The following KCNIP4 variants were observed in gnomAD, a reference collection of about 807,000 sequenced individuals.
KCNIP4 encodes potassium voltage-gated channel interacting protein 4, also known as Kv channel-interacting protein 4.
A neutral mutation model predicts 34.0 loss-of-function variants in KCNIP4; 12 were observed. The ratio of observed to expected loss-of-function variants is 0.35; its 90% CI spans 0.23 to 0.57. KCNIP4 has a LOEUF of 0.57. KCNIP4 is among the 20% of genes least tolerant of loss of function. The pLI, the probability that KCNIP4 is intolerant of heterozygous loss-of-function variation, is 0.83. For missense variants in KCNIP4, 238 were observed against 311.7 expected, an observed-to-expected ratio of 0.76 and a Z score of 1.78; for synonymous variants, 124 against 102.2, an observed-to-expected ratio of 1.21 and a Z score of -1.29.
intron 1 of KCNIP4, among the ~76,000 whole-genome samples, chr4:21,514,707 T>C (rs1027468159): frequency 2.6e-5 from 4 of 152,120 alleles, no homozygotes; most frequent in African/African-American, 9.7e-5. Flanking sequence ...AGGAAGCAAC[T>C]GTTAAATTAA....
chr4:20,823,174 T>C (rs976642519), intron 3 of KCNIP4, among the ~76,000 whole-genome samples: 3 of 152,138 alleles, frequency 2.0e-5, no homozygotes, highest in East Asian at 1.9e-4. Flanking sequence ...TATTTTGTTA[T>C]AGCATCAGGA....
intron 1 of KCNIP4, among the ~76,000 whole-genome samples, chr4:21,061,117 C>T (rs1028938467): frequency 3.3e-5 from 5 of 152,024 alleles, no homozygotes; most frequent in Admixed American, 3.3e-4. Flanking sequence ...GTTGCAAGTA[C>T]AGTAGATGAA....
chr4:20,859,398 C>T (rs1163923889), intron 2 of KCNIP4, among the ~76,000 whole-genome samples: 1 of 152,140 alleles, frequency 6.6e-6, no homozygotes, highest in Admixed American at 6.6e-5. Context: ...GCATTTGCAT[C>T]CTGAGATAAG....
At chr4:21,596,594 A>C (rs2109108404) in intron 1 of KCNIP4, among the ~76,000 whole-genome samples, 1 of 152,286 alleles carries the variant, frequency 6.6e-6, no homozygotes, top group East Asian at 1.9e-4. Flanking sequence ...AATAAAAACA[A>C]AAAAGAACAA....
intron 1 of KCNIP4, among the ~76,000 whole-genome samples, chr4:21,765,269 T>C (rs1202998516): frequency 6.6e-6 from 1 of 151,392 alleles, no homozygotes; most frequent in Non-Finnish European, 1.5e-5. Flanking sequence ...GATCCTCCCA[T>C]CTCAGCATCC....
chr4:21,879,516 CTT>C (rs1234411909), intron 1 of KCNIP4, among the ~76,000 whole-genome samples: 2 of 152,218 alleles, frequency 1.3e-5, no homozygotes, highest in Non-Finnish European at 2.9e-5. Flanking sequence ...CTTGTCCAAA[CTT>C]TAACTCAATA....
intron 1 of KCNIP4, among the ~76,000 whole-genome samples, chr4:20,913,644 T>G (rs1250866352): frequency 6.6e-6 from 1 of 152,200 alleles, no homozygotes; most frequent in Admixed American, 6.5e-5. Flanking sequence ...CCAATTACAC[T>G]ACTGCAGCTC....
intron 1 of KCNIP4, among the ~76,000 whole-genome samples, chr4:21,677,837 C>T (rs891074474): frequency 1.3e-5 from 2 of 152,190 alleles, no homozygotes; most frequent in African/African-American, 2.4e-5. Context: ...GCAACCTCCT[C>T]CTCCTGAGTT....
At chr4:21,159,218 A>G (rs919558493) in intron 1 of KCNIP4, among the ~76,000 whole-genome samples, 3 of 152,214 alleles carry the variant, frequency 2.0e-5, no homozygotes, top group Non-Finnish European at 2.9e-5. Context: ...GACTGATTAT[A>G]AAGCTACAAT....
chr4:21,688,748 G>A (rs1751008376), intron 1 of KCNIP4, among the ~76,000 whole-genome samples: 1 of 151,910 alleles, frequency 6.6e-6, no homozygotes, highest in Admixed American at 6.6e-5. Flanking sequence ...GCAGCAATCG[G>A]GTTGTCTGGA....
At chr4:20,735,748 G>A (rs1440643580) in intron 5 of KCNIP4, among the ~76,000 whole-genome samples, 1 of 152,068 alleles carries the variant, frequency 6.6e-6, no homozygotes, top group Non-Finnish European at 1.5e-5. Flanking sequence ...TGTTGGCCAG[G>A]TTGGTGTCGA....
At chr4:21,882,901 G>T (rs746618498) in intron 1 of KCNIP4, among the ~76,000 whole-genome samples, 2 of 152,014 alleles carry the variant, frequency 1.3e-5, no homozygotes, top group Non-Finnish European at 2.9e-5. Flanking sequence ...TGCTAATGTA[G>T]TAAAAACAAA....
At chr4:21,412,242 T>C (rs1724573232) in intron 1 of KCNIP4, among the ~76,000 whole-genome samples, 1 of 152,160 alleles carries the variant, frequency 6.6e-6, no homozygotes, top group African/African-American at 2.4e-5. Context: ...TTCCTGCTCA[T>C]ACCATGTTCT....
chr4:20,825,686 T>C (rs552931127), intron 3 of KCNIP4, among the ~76,000 whole-genome samples: 54 of 152,174 alleles, frequency 3.5e-4, no homozygotes, highest in Non-Finnish European at 6.0e-4. Context: ...GGGCTGGAGA[T>C]ACTAATTTGA....
chr4:21,785,610 T>TAAATAAATAAATAAATAAATAAATA (rs1553931494), intron 1 of KCNIP4, among the ~76,000 whole-genome samples: 3,715 of 147,402 alleles, frequency 0.025, 117 homozygotes, highest in African/African-American at 0.068. Context: ...AATAAATAAA[T>TAAATAAATAAATAAATAAATAAATA]AAATAAAATA....
rs16870401 is a variant in KCNIP4, at chr4:21,114,107, A to G, written c.62-231398T>C. On this transcript the variant is annotated intron_variant, in intron 1 of 8. Transcript: ENST00000382152. ...TCAGAGCTGTCCCATAATCTGTACA[A>G]CTACCCATACAGCTTCAGAATATGA... Among the ~76,000 whole-genome samples the G allele has an allele frequency of 3.0e-3, 457 of 152,280 alleles. 2 individuals carry two copies. The highest frequency in any genetic ancestry group is 0.01 in the African/African-American group (434 of 41,556).
chr4:20,829,212 TTA>T (rs1288712459), intron 3 of KCNIP4, among the ~76,000 whole-genome samples: 1 of 8,102 alleles, frequency 1.2e-4, no homozygotes, highest in Non-Finnish European at 3.6e-4. Flanking sequence ...ATTTTTTATT[TTA>T]TTTTTTTTTT....
At chr4:21,713,705 C>T (rs969435605) in intron 1 of KCNIP4, among the ~76,000 whole-genome samples, 10 of 152,184 alleles carry the variant, frequency 6.6e-5, no homozygotes, top group Non-Finnish European at 1.5e-4. Flanking sequence ...TGTATTCCTT[C>T]TACCTCACTG....
chr4:21,519,719 T>TGTGTGTATGTATGTGTATATAC (rs1735299017), intron 1 of KCNIP4, among the ~76,000 whole-genome samples: 1 of 123,876 alleles, frequency 8.1e-6, no homozygotes, highest in Non-Finnish European at 1.6e-5. Context: ...TGTGTATATA[T>TGTGTGTATGTATGTGTATATAC]ACACACGTGT....
Sources: allele counts gnomAD v4.1 joint callset (sites outside exome capture counted in the v4.1 genomes callset), GRCh38; gene constraint gnomAD v4.1.1; transcripts MANE v1.5; gene names NCBI Gene and HGNC (gene_info 2026-07-23, HGNC 2026-07-21).